Variants in SLC35F4 observed in about 807,000 individuals in gnomAD.
SLC35F4 encodes the protein solute carrier family 35 member F4, also known as chromosome 14 open reading frame 36.
In SLC35F4, 24 loss-of-function variants were observed where a neutral mutation model predicts 44.2. The observed-to-expected ratio is 0.54, with a 90% CI of 0.39 to 0.76. The LOEUF is 0.76. Ranked by LOEUF, SLC35F4 falls within the 30% of genes least tolerant of loss-of-function variation. SLC35F4 has a pLI of 0.00. For missense variants in SLC35F4, 562 were observed against 586.1 expected (o/e 0.96, Z 0.42); for synonymous variants, 238 against 223.6 (o/e 1.06, Z -0.57).
At chr14:57,878,128 T>C (rs1243836758) in intron 1 of SLC35F4, among the ~76,000 whole-genome samples, 1 of 152,184 alleles carries the variant, frequency 6.6e-6, no homozygotes, top group South Asian at 2.1e-4. Context: ...TTTTGAGAAA[T>C]GCCTGTTCAT....
intron 1 of SLC35F4, among the ~76,000 whole-genome samples, chr14:57,708,246 G>A (rs1170558496): frequency 6.6e-6 from 1 of 152,134 alleles, no homozygotes; most frequent in African/African-American, 2.4e-5. Flanking sequence ...AAGACAGCAA[G>A]AAAATTTCAC....
At chr14:57,629,341 T>C (rs1349009916) in intron 1 of SLC35F4, among the ~76,000 whole-genome samples, 1 of 152,108 alleles carries the variant, frequency 6.6e-6, no homozygotes, top group Non-Finnish European at 1.5e-5. Flanking sequence ...TGGGAAACTA[T>C]GAGAAATGAA....
upstream of SLC35F4, among the ~76,000 whole-genome samples, chr14:57,866,643 A>G (rs1000524787): frequency 6.6e-6 from 1 of 152,206 alleles, no homozygotes; most frequent in African/African-American, 2.4e-5. Flanking sequence ...TCAAAGGCTT[A>G]GAAGATTCAG....
intron 1 of SLC35F4, among the ~76,000 whole-genome samples, chr14:57,634,293 G>A (rs1288412033): frequency 6.6e-6 from 1 of 152,154 alleles, no homozygotes; most frequent in African/African-American, 2.4e-5. Context: ...CTATGAAGAT[G>A]TATAACAGAA....
intron 1 of SLC35F4, among the ~76,000 whole-genome samples, chr14:57,882,036 C>T (rs777385693): frequency 6.6e-6 from 1 of 152,158 alleles, no homozygotes; most frequent in African/African-American, 2.4e-5. Flanking sequence ...CTCCCATATG[C>T]CCTTCATCCA....
intron 1 of SLC35F4, among the ~76,000 whole-genome samples, chr14:57,782,866 G>A (rs912815836): frequency 6.6e-6 from 1 of 152,154 alleles, no homozygotes; most frequent in Non-Finnish European, 1.5e-5. Flanking sequence ...GCAGAGAAAA[G>A]TCATGACATT....
chr14:57,947,145 T>G (rs1009854283), intron 1 of SLC35F4, among the ~76,000 whole-genome samples: 1 of 152,208 alleles, frequency 6.6e-6, no homozygotes, highest in African/African-American at 2.4e-5. Flanking sequence ...TTGTATCATT[T>G]ATGATTTCTT....
intron 6 of SLC35F4, among the ~76,000 whole-genome samples, chr14:57,567,720 A>AG (rs1830489046): frequency 6.6e-6 from 1 of 152,182 alleles, no homozygotes; most frequent in Non-Finnish European, 1.5e-5. Flanking sequence ...AACATCGCAA[A>AG]TTCTGACCAA....
chr14:57,673,986 C>G (rs763072132), intron 1 of SLC35F4, among the ~76,000 whole-genome samples: 25 of 151,990 alleles, frequency 1.6e-4, no homozygotes, highest in Non-Finnish European at 3.5e-4. Context: ...ATAAGACATA[C>G]AAATGACCAG....
chr14:57,705,745 C>T (rs1182511977), intron 1 of SLC35F4, among the ~76,000 whole-genome samples: 1 of 152,170 alleles, frequency 6.6e-6, no homozygotes, highest in East Asian at 1.9e-4. Flanking sequence ...CCTATTAACC[C>T]TGTACACACC....
chr14:57,663,006 T>C (rs761062670), intron 1 of SLC35F4, among the ~76,000 whole-genome samples: 8 of 152,174 alleles, frequency 5.3e-5, no homozygotes, highest in Admixed American at 1.3e-4. Context: ...TGATCACTGC[T>C]TTTTCCTGTA....
intron 1 of SLC35F4, among the ~76,000 whole-genome samples, chr14:57,946,459 GTTTTC>G (rs1215709145): frequency 3.3e-4 from 40 of 122,520 alleles, no homozygotes; most frequent in African/African-American, 8.4e-4. Context: ...GTTTTGTTTT[GTTTTC>G]TTTTCTTTTT....
chr14:57,833,010 G>A (rs1951002), intron 1 of SLC35F4, among the ~76,000 whole-genome samples: 74,554 of 152,044 alleles, frequency 0.49, 20,861 homozygotes, highest in African/African-American at 0.76. Context: ...AAATATTGTA[G>A]GAACACGAGA....
At chr14:57,690,431 G>C (rs78258432) in intron 1 of SLC35F4, among the ~76,000 whole-genome samples, 22,553 of 151,948 alleles carry the variant, frequency 0.15, 1,889 homozygotes, top group East Asian at 0.29. Flanking sequence ...CAGCTTAGCA[G>C]ATTTTGAGAT....
intron 1 of SLC35F4, among the ~76,000 whole-genome samples, chr14:57,865,513 C>T (rs1482606122): frequency 6.6e-6 from 1 of 152,166 alleles, no homozygotes; most frequent in Non-Finnish European, 1.5e-5. Context: ...CGCACCCAGC[C>T]GGGCCCCTTG....
chr14:57,787,594 G>C (rs1262270001), intron 1 of SLC35F4, among the ~76,000 whole-genome samples: 1 of 152,096 alleles, frequency 6.6e-6, no homozygotes, highest in Non-Finnish European at 1.5e-5. Context: ...GAAGGGATTG[G>C]GGCCTATCTT....
At chr14:57,782,661 A>C (rs1253721395) in intron 1 of SLC35F4, among the ~76,000 whole-genome samples, 2 of 152,248 alleles carry the variant, frequency 1.3e-5, no homozygotes, top group Admixed American at 1.3e-4. Flanking sequence ...TGTGAGCTCA[A>C]GTGTTGTCAG....
chr14:57,652,287 A>G (rs1223178505), intron 1 of SLC35F4, among the ~76,000 whole-genome samples: 2 of 152,276 alleles, frequency 1.3e-5, no homozygotes, highest in Non-Finnish European at 2.9e-5. Flanking sequence ...AAGAAACCCC[A>G]TGGACAGGCG....
At position 57,728,844 on chromosome 14, in the gene SLC35F4, G is replaced by T. The variant is rs557999956; in HGVS notation, c.104-134720C>A. Among the ~76,000 whole-genome samples the T allele has an allele frequency of 7.2e-5, 11 of 152,180 alleles. 1 individual carries two copies. The highest frequency in any genetic ancestry group is 2.4e-4 in the African/African-American group (10 of 41,520). On this transcript the variant is annotated intron_variant, in intron 1 of 7. Coordinates refer to ENST00000556826, the MANE Select transcript of SLC35F4 (RefSeq NM_001306087.2). Reference sequence around the variant, plus strand: ...CCCTTTAGCATTTCTTTTAGGAAAGGTCTGGTGTTGATAAAATCCCTCAGC... The same window carrying T: ...CCCTTTAGCATTTCTTTTAGGAAAGTTCTGGTGTTGATAAAATCCCTCAGC...
Sources: allele counts gnomAD v4.1 joint callset (sites outside exome capture counted in the v4.1 genomes callset), GRCh38; gene constraint gnomAD v4.1.1; transcripts MANE v1.5; gene names NCBI Gene and HGNC (gene_info 2026-07-23, HGNC 2026-07-21).